The following DST variants were observed in gnomAD, a reference collection of about 807,000 sequenced individuals.
DST encodes bullous pemphigoid antigen.
Under a neutral mutation model 875.2 loss-of-function variants are expected in DST, and 253 were observed. That is an observed-to-expected ratio of 0.29 (90% CI 0.26 to 0.32). DST has a LOEUF of 0.32. DST is among the 10% of genes least tolerant of loss of function. The pLI, the probability that DST is intolerant of heterozygous loss-of-function variation, is 1.00. For missense variants in DST, 8,287 were observed against 9,111.6 expected (o/e 0.91, Z 3.68); for synonymous variants, 3,124 against 3,197.1 (o/e 0.98, Z 0.77).
At chr6:56,666,720 T>C (rs1378729579) in intron 10 of DST, among the ~76,000 whole-genome samples, 2 of 151,318 alleles carry the variant, frequency 1.3e-5, no homozygotes, top group African/African-American at 2.4e-5. Context: ...AAAACAATTA[T>C]TAAGTAAAAA....
rs569201702 is a variant in DST, at chr6:56,884,225, G to T, written c.417+16196C>A. ...AAATAAGGCATACATGTTACATTTGGTTGGTAGGTCTTTTAAGTCTCTTTT... is the reference window on the plus strand; with the variant it reads ...AAATAAGGCATACATGTTACATTTGTTTGGTAGGTCTTTTAAGTCTCTTTT... On this transcript the variant is annotated intron_variant, in intron 3 of 103. Coordinates refer to ENST00000680361, the MANE Select transcript of DST (RefSeq NM_001374736.1). Among the ~76,000 whole-genome samples, 174 of 151,890 alleles carry T rather than the reference G, an allele frequency of 1.1e-3. 2 individuals are homozygous for T. The highest frequency in any genetic ancestry group is 2.7e-3 in the African/African-American group (114 of 41,476).
chr6:56,573,559 T>C (rs2097811042), intron 51 of DST, 120 bp downstream of exon 51: 3 of 715,354 alleles, frequency 4.2e-6, no homozygotes, highest in South Asian at 3.8e-5. Context: ...TCCACACTCA[T>C]ATTCAGTAAA....
At chr6:56,644,447 C>T (rs1223404574) in intron 15 of DST, among the ~76,000 whole-genome samples, 10 of 148,766 alleles carry the variant, frequency 6.7e-5, no homozygotes, top group African/African-American at 2.6e-4. Flanking sequence ...GAGAACATGA[C>T]AATACTGAGC....
At chr6:56,869,848 T>G (rs563726254) in intron 3 of DST, among the ~76,000 whole-genome samples, 1 of 152,058 alleles carries the variant, frequency 6.6e-6, no homozygotes, top group South Asian at 2.1e-4. Context: ...TCATGCCCAG[T>G]TAATTTTTTT....
At chr6:56,948,665 C>T (rs551004529) in intron 2 of DST, among the ~76,000 whole-genome samples, 229 of 152,332 alleles carry the variant, frequency 1.5e-3, no homozygotes, top group African/African-American at 5.1e-3. Flanking sequence ...TACCATACAA[C>T]CTTCAGGCTT....
At chr6:56,686,325 G>C (rs931865001) in intron 9 of DST, among the ~76,000 whole-genome samples, 4 of 152,158 alleles carry the variant, frequency 2.6e-5, no homozygotes, top group African/African-American at 7.2e-5. Flanking sequence ...GTGGGAGAAG[G>C]GTTGAAAAAC....
rs767517772 is a variant in DST, at chr6:56,553,039, G to T, written c.15753C>A (p.Ile5251=). 1.9e-6 allele frequency: 3 copies of T among 1,613,786 alleles called. No individual in the cohort carries two copies. The highest frequency in any genetic ancestry group is 2.5e-6 in the Non-Finnish European group (3 of 1,179,876). Residue 5251 remains isoleucine (I), a synonymous_variant, in exon 61 of 104, where the codon ATC becomes ATA. Coordinates refer to ENST00000680361, the MANE Select transcript of DST (RefSeq NM_001374736.1). Reference sequence around the variant, plus strand: ...GTTCAGTGACCATGTCCACCTTCTGGATCAGTGACTTATTCTCATCTGTAA... The same window carrying T: ...GTTCAGTGACCATGTCCACCTTCTGTATCAGTGACTTATTCTCATCTGTAA... ...EVVTDENKSL[I]QKVDMVTEQL... is the part of the protein sequence containing the mutation.
chr6:56,493,142 T>C (rs988834241), intron 83 of DST, 53 bp from the exon 84 acceptor site: 34 of 1,517,490 alleles, frequency 2.2e-5, no homozygotes, highest in Admixed American at 9.9e-5. Flanking sequence ...GGTTATTTTG[T>C]TTGTTTCAGT....
intron 4 of DST, among the ~76,000 whole-genome samples, chr6:56,785,484 T>G (rs1267634155): frequency 1.3e-5 from 2 of 152,054 alleles, no homozygotes; most frequent in Non-Finnish European, 2.9e-5. Flanking sequence ...TAGCAATCAG[T>G]GAGACTCGGT....
At chr6:56,636,716 T>C (rs2098829267) in intron 22 of DST, 64 bp from the exon 23 acceptor site, 1 of 1,252,978 alleles carries the variant, frequency 8.0e-7, no homozygotes, top group Non-Finnish European at 1.2e-6. Flanking sequence ...TACCTTTTGA[T>C]ATCGATGCTT....
In DST at chr6:56,601,237, G is replaced by A. The variant is rs141108890; in HGVS notation, c.11541+206C>T. Among the ~76,000 whole-genome samples the A allele has an allele frequency of 8.6e-3, 1,310 of 152,028 alleles. 18 individuals carry two copies. The highest frequency in any genetic ancestry group is 0.03 in the African/African-American group (1,258 of 41,506). ...TCTCACTTGAAGTTAAGTATTTTTG[G>A]GAGTCACAAAAATTCAAATCAACTA... On this transcript the variant is annotated intron_variant, in intron 44 of 103. Coordinates refer to ENST00000680361, the MANE Select transcript of DST (RefSeq NM_001374736.1).
In DST at chr6:56,472,085, T is replaced by G. The variant is rs766700212; in HGVS notation, c.22132A>C (p.Asn7378His). The change falls in exon 94 of 104, where the codon AAT becomes CAT. Residue 7378 changes from asparagine to histidine, a missense_variant. Physicochemically the swap from Asn to His is moderately conservative, Grantham distance 68. Transcript: ENST00000680361. ...TCCTCTAGTCTGTCCAAGGCATCAT[T>G]GAGTTTCCTCCTTCTTTCCAACGCC... ...LLALERRRKLNDALDRLEELR... is the reference protein window; with the variant it reads ...LLALERRRKLHDALDRLEELR... 5 of 1,613,886 alleles carry G rather than the reference T, an allele frequency of 3.1e-6. No homozygotes were observed. The South Asian group carries it at 3.3e-5, about 11-fold the overall frequency.
intron 47 of DST, among the ~76,000 whole-genome samples, chr6:56,595,265 T>C (rs1473909154): frequency 2.6e-5 from 4 of 152,034 alleles, no homozygotes; most frequent in Non-Finnish European, 5.9e-5. Flanking sequence ...TCTCCTGTTG[T>C]TGTCTAGTTA....
chr6:56,786,729 C>G (rs1270131517), intron 4 of DST, among the ~76,000 whole-genome samples: 1 of 152,140 alleles, frequency 6.6e-6, no homozygotes, highest in Non-Finnish European at 1.5e-5. Flanking sequence ...AACAAGGTTT[C>G]ACATGTTGGT....
intron 61 of DST, among the ~76,000 whole-genome samples, chr6:56,537,222 T>C (rs2097023303): frequency 6.6e-6 from 1 of 152,262 alleles, no homozygotes; most frequent in Non-Finnish European, 1.5e-5. Context: ...ATGTCTCCTC[T>C]CTTTATTGCT....
chr6:56,511,850 A>G (rs1445474082), intron 72 of DST, among the ~76,000 whole-genome samples: 1 of 151,980 alleles, frequency 6.6e-6, no homozygotes, highest in Non-Finnish European at 1.5e-5. Flanking sequence ...AGAGAGAGAC[A>G]AGACGGGGGG....
chr6:56,786,517 T>A (rs1450665079), intron 4 of DST, among the ~76,000 whole-genome samples: 1 of 152,192 alleles, frequency 6.6e-6, no homozygotes, highest in Non-Finnish European at 1.5e-5. Context: ...CCAGTCCCAG[T>A]ACCTTTTGGT....
rs1201754712 is a variant in DST at position 56,604,733 on chromosome 6, C to T, written c.9895G>A (p.Gly3299Arg). The change falls in exon 40 of 104, where the codon GGA (glycine) becomes AGA (arginine). Residue 3299 changes from glycine to arginine, a missense_variant. By Grantham distance (125) the Gly-to-Arg change is moderately radical. Around this residue, in one of 10 missense-constraint regions of DST, gnomAD observed 3,138 missense variants for 3,116.6 expected, o/e 1.01. Transcript: ENST00000680361. The stretch of plus-strand genomic sequence containing the variant: ...AAAGTGTTACTGGAGTTATCATTTC[C>T]TAATCCATTTGCACACCGCTCCGAC... ...LQSERCANGL[G>R]NDNSSNTLNT... 2 of 1,612,452 alleles carry T rather than the reference C, an allele frequency of 1.2e-6. No homozygotes were observed. The highest frequency in any genetic ancestry group is 4.5e-5 in the East Asian group (2 of 44,850).
rs768611198 is a variant in DST at position 56,616,651 on chromosome 6, C to T, written c.4930-2167G>A. 2 of 1,614,206 alleles carry T rather than the reference C, an allele frequency of 1.2e-6. No individual in the cohort carries two copies. The highest frequency in any genetic ancestry group is 1.3e-5 in the African/African-American group (1 of 75,048). On this transcript the variant is annotated intron_variant, in intron 36 of 103. Transcript: ENST00000680361. ...ACTGTAAGATGGCATTATTCAACAA[C>T]CCCTGCTGCAGAGCAATTTCTGGAG...
Sources: gnomAD v4.1 joint callset for allele counts (sites outside exome capture counted in the v4.1 genomes callset) on GRCh38, gnomAD v4.1.1 for gene constraint, gnomAD v4.1.1 regional missense constraint, MANE v1.5 for transcripts, NCBI Gene and HGNC (gene_info 2026-07-23, HGNC 2026-07-21) for gene names.